The following MYBPC3 variants were observed in gnomAD, a reference collection of about 807,000 sequenced individuals.
MYBPC3 encodes myosin-binding protein C, cardiac-type.
Under a neutral mutation model 159.3 loss-of-function variants are expected in MYBPC3, and 108 were observed. The ratio of observed to expected loss-of-function variants is 0.68; its 90% CI spans 0.58 to 0.80. The LOEUF is 0.80. MYBPC3 is among the 30% of genes least tolerant of loss of function. The pLI, the probability that MYBPC3 is intolerant of heterozygous loss-of-function variation, is 0.00. For synonymous variants in MYBPC3, 730 were observed against 702.0 expected, an observed-to-expected ratio of 1.04 and a Z score of -0.63; for missense variants, 1,631 against 1,762.1, an observed-to-expected ratio of 0.93 and a Z score of 1.33.
chr11:47,332,719 T>G lies in MYBPC3; in HGVS notation c.3491-17A>C. The G allele has an allele frequency of 1.3e-6, 2 of 1,599,442 alleles. No individual in the cohort carries two copies. The highest frequency in any genetic ancestry group is 1.7e-6 in the Non-Finnish European group (2 of 1,172,658). ...AGGTGATGCCTGTTGGTGACAGGAC[T>G]TGGTACCGAGAGGGCCACACAAAGC... On this transcript the variant is annotated splice_polypyrimidine_tract_variant and intron_variant, in intron 31 of 34. Coordinates refer to ENST00000545968, the MANE Select transcript of MYBPC3 (RefSeq NM_000256.3). The surrounding 1 kb of genome is among the most constrained non-coding windows in gnomAD (Gnocchi z 4.2).
chr11:47,332,808 C>T lies in MYBPC3; in HGVS notation c.3490+6G>A, dbSNP rs397516021. ...GCCCCTGGTTGGAAGAATGAGGGTA[C>T]AGCACCTGGTCTGGGGATAAAGACG... On this transcript the variant is annotated splice_donor_region_variant and intron_variant, in intron 31 of 34. Transcript: ENST00000545968. The surrounding 1 kb of genome is among the most constrained non-coding windows in gnomAD (Gnocchi z 4.2). 3 of 1,602,976 alleles carry T rather than the reference C, an allele frequency of 1.9e-6. No individual in the cohort carries two copies. Among genetic ancestry groups the T allele is most frequent in the South Asian group, 1.1e-5 (1 of 89,236 alleles).
intron 18 of MYBPC3, 95 bp from the exon 19 acceptor site, chr11:47,341,339 G>T: frequency 1.1e-6 from 1 of 873,384 alleles, no homozygotes; most frequent in Non-Finnish European, 1.7e-6. Context: ...CCCTCACCTT[G>T]TCCTGGCTTG....
chr11:47,333,866 G>A (rs2095879832), intron 28 of MYBPC3, 56 bp downstream of exon 28: 6 of 1,553,418 alleles, frequency 3.9e-6, no homozygotes, highest in Non-Finnish European at 1.7e-6. Flanking sequence ...CACTGGATGG[G>A]AACAACACAC....
At position 47,332,509 on chromosome 11, in the gene MYBPC3, C is replaced by T. The variant is rs1453811666; in HGVS notation, c.3627+57G>A. On this transcript the variant is annotated intron_variant, in intron 32 of 34. Transcript: ENST00000545968. This position sits in a 1 kb window ranked among gnomAD's most constrained non-coding sequence, Gnocchi z 4.2. ...GGCTGGGGAGAGGACTGCTCAACGT[C>T]GGGGCCTGTGAGCCCTGCCTCCTGG... is the stretch of plus-strand genomic sequence containing the variant. 9 of 1,573,498 alleles carry T rather than the reference C, an allele frequency of 5.7e-6. No individual in the cohort carries two copies. In the East Asian group the frequency reaches 6.8e-5, roughly 12 times the overall value.
At chr11:47,340,962 G>A in intron 20 of MYBPC3, 41 bp downstream of exon 20, 2 of 1,507,912 alleles carry the variant, frequency 1.3e-6, no homozygotes, top group Non-Finnish European at 1.8e-6. Flanking sequence ...TGGGTTGCGG[G>A]AAAGTGAGCA....
In MYBPC3 at chr11:47,351,280, C is replaced by T. The variant is rs569824900; in HGVS notation, c.251G>A (p.Gly84Asp). 17 of 1,557,726 alleles carry T rather than the reference C, an allele frequency of 1.1e-5. No homozygotes were observed. In the South Asian group the frequency reaches 1.8e-4, roughly 16 times the overall value. ...GAGGTCGAACTTGACCTTGGAGGAG[C>T]CAGCAATGACTGCGTAAGATCCCTG... The part of the protein sequence containing the change: ...ADQGSYAVIA[G>D]SSKVKFDLKV... The change falls in exon 2 of 35, where the codon GGC becomes GAC. Residue 84 changes from glycine (G) to aspartate (D), a missense_variant. Physicochemically the swap from Gly to Asp is moderately conservative, Grantham distance 94. Coordinates refer to ENST00000545968, the MANE Select transcript of MYBPC3 (RefSeq NM_000256.3). This position sits in a 1 kb window ranked among gnomAD's most constrained non-coding sequence, Gnocchi z 4.2.
In MYBPC3 at chr11:47,335,868, G is replaced by A. The variant is rs1565624501; in HGVS notation, c.2737+9C>T. ...TTTGGGGAGGGGGGTTGGGGGCGGG[G>A]ACACTCACAGCCCTCTGGGCAGTAC... is the stretch of plus-strand genomic sequence containing the variant. On this transcript the variant is annotated intron_variant, in intron 26 of 34. Transcript: ENST00000545968. The A allele has an allele frequency of 8.1e-6, 12 of 1,478,666 alleles. No individual in the cohort carries two copies. The highest frequency in any genetic ancestry group is 1.1e-5 in the Non-Finnish European group (12 of 1,105,590). 91.6% of individuals were successfully genotyped at this position (1,478,666 alleles called of 1,614,324 possible). A position where few individuals can be genotyped will look rare whatever the true frequency, so the allele number is the denominator to read the frequency against.
Position 47,339,670 on chromosome 11 carries a change from C to T in MYBPC3, c.2048G>A (p.Trp683Ter), listed in dbSNP as rs397515942. The T allele has an allele frequency of 6.2e-7, 1 of 1,607,964 alleles. No individual in the cohort carries two copies. Among genetic ancestry groups the T allele is most frequent in the Non-Finnish European group, 8.5e-7 (1 of 1,176,584 alleles). ...CAGTACCTGCGTGATAGCCTTCTGC[C>T]AGATCACAGTGGGAGCAGGGTCCCC... is the stretch of plus-strand genomic sequence containing the variant. The part of the protein sequence containing the change: ...ISGDPAPTVI[W>*]QKAITQGNKA... The change falls in exon 21 of 35, where the codon TGG becomes TAG. Residue 683 changes from tryptophan (W) to a stop codon, truncating the protein, a stop_gained. Transcript: ENST00000545968. LOFTEE classifies it high-confidence loss of function.
At position 47,351,189 on chromosome 11, in the gene MYBPC3, G is replaced by GGGGCCCCCCCC; in HGVS notation, c.292+49_292+50insGGGGGGGGCCC. The GGGGCCCCCCCC allele has an allele frequency of 4.4e-5, 64 of 1,448,834 alleles. No individual in the cohort carries two copies. Among genetic ancestry groups the GGGGCCCCCCCC allele is most frequent in the Non-Finnish European group, 4.7e-5 (51 of 1,087,654 alleles). 89.7% of individuals were successfully genotyped at this position (1,448,834 alleles called of 1,614,324 possible). A position where few individuals can be genotyped will look rare whatever the true frequency, so the allele number is the denominator to read the frequency against. On this transcript the variant is annotated intron_variant, in intron 2 of 34. Coordinates refer to ENST00000545968, the MANE Select transcript of MYBPC3 (RefSeq NM_000256.3). The surrounding 1 kb of genome is among the most constrained non-coding windows in gnomAD (Gnocchi z 4.2). Reference sequence around the variant, plus strand: ...TGGATGGATGGAGAGTCGCTGGGCTGCCCCTCCCCCAGCAGCCCAAACCTC... The same window carrying GGGGCCCCCCCC: ...TGGATGGATGGAGAGTCGCTGGGCTGGGGCCCCCCCCCCCCTCCCCCAGCAGCCCAAACCTC...
In MYBPC3 at chr11:47,348,520, T is replaced by C. The variant is rs1336201335; in HGVS notation, c.676A>G (p.Ile226Val). 16 of 1,613,038 alleles carry C rather than the reference T, an allele frequency of 9.9e-6. No individual in the cohort carries two copies. Among genetic ancestry groups the C allele is most frequent in the South Asian group, 2.2e-5 (2 of 90,894 alleles). Reference sequence around the variant, plus strand: ...GTGAAGGCAGGCTGGGCATCGGTGATGTGCAGCTCGAACAGATAGACCTGT... The same window carrying C: ...GTGAAGGCAGGCTGGGCATCGGTGACGTGCAGCTCGAACAGATAGACCTGT... ...ASKVYLFELH[I>V]TDAQPAFTGS... The change falls in exon 6 of 35, where the codon ATC (isoleucine) becomes GTC (valine). Residue 226 changes from isoleucine (I) to valine (V), a missense_variant. Coordinates refer to ENST00000545968, the MANE Select transcript of MYBPC3 (RefSeq NM_000256.3).
Position 47,337,499 on chromosome 11 carries a change from C to T in MYBPC3, c.2494G>A (p.Glu832Lys). The T allele has an allele frequency of 6.2e-7, 1 of 1,614,050 alleles. No individual in the cohort carries two copies. Among genetic ancestry groups the T allele is most frequent in the Non-Finnish European group, 8.5e-7 (1 of 1,179,906 alleles). Residue 832 changes from glutamate to lysine, a missense_variant, in exon 25 of 35, where the codon GAA (glutamate) becomes AAA (lysine). Transcript: ENST00000545968. ...NFDLIQELSH[E>K]ARRMIEGVVY... ...ACGCCCTCGATCATGCGCCGCGCTT[C>T]ATGACTCAGCTCCTGAATCAGGTCG...
intron 25 of MYBPC3, among the ~76,000 whole-genome samples, chr11:47,336,642 C>A (rs1467781494): frequency 6.6e-6 from 1 of 152,202 alleles, no homozygotes; most frequent in East Asian, 1.9e-4. Flanking sequence ...CCACAGGCCC[C>A]GATTCCTGCC....
intron 1 of MYBPC3, among the ~76,000 whole-genome samples, chr11:47,352,023 C>T (rs2095901471): frequency 6.6e-6 from 1 of 152,198 alleles, no homozygotes; most frequent in African/African-American, 2.4e-5. Context: ...GGCCCAGGTC[C>T]CTGGGCTGTG....
At position 47,337,455 on chromosome 11, in the gene MYBPC3, G is replaced by C. The variant is rs776282342; in HGVS notation, c.2538C>G (p.Val846=). 5.0e-6 allele frequency: 8 copies of C among 1,613,348 alleles called. No homozygotes were observed. The highest frequency in any genetic ancestry group is 1.7e-5 in the Admixed American group (1 of 60,000). The part of the protein sequence containing the change: ...MIEGVVYEMR[V]YAVNAIGMSR... Reference sequence around the variant, plus strand: ...ACATGCCGATGGCGTTGACCGCGTAGACGCGCATCTCGTACACCACGCCCT... The same window carrying C: ...ACATGCCGATGGCGTTGACCGCGTACACGCGCATCTCGTACACCACGCCCT... Residue 846 remains valine (V), a synonymous_variant, in exon 25 of 35, where the codon GTC becomes GTG. Transcript: ENST00000545968.
At chr11:47,337,889 G>T in intron 23 of MYBPC3, 95 bp from the exon 24 acceptor site, 1 of 1,010,464 alleles carries the variant, frequency 9.9e-7, no homozygotes, top group Non-Finnish European at 1.5e-6. Context: ...AACCGCCACA[G>T]GCTGCCCCCA....
intron 25 of MYBPC3, 24 bp from the exon 26 acceptor site, chr11:47,336,035 G>T: frequency 6.8e-7 from 1 of 1,463,770 alleles, no homozygotes; most frequent in Non-Finnish European, 9.1e-7. Flanking sequence ...AGGTCAGAGA[G>T]GGGTCTGAGC....
At chr11:47,349,493 C>T (rs146491436) in intron 5 of MYBPC3, among the ~76,000 whole-genome samples, 149 of 151,980 alleles carry the variant, frequency 9.8e-4, no homozygotes, top group African/African-American at 2.8e-3. Flanking sequence ...CCCCCACCCC[C>T]GGCCAAACCT....
chr11:47,350,361 A>G, intron 3 of MYBPC3, 141 bp downstream of exon 3: 5 of 1,394,280 alleles, frequency 3.6e-6, no homozygotes, highest in South Asian at 1.3e-5. Flanking sequence ...TCCTGACCTC[A>G]TGATCCGCCC....
At chr11:47,340,134 CGCATAT>C (rs2095886890) in intron 20 of MYBPC3, among the ~76,000 whole-genome samples, 4 of 151,738 alleles carry the variant, frequency 2.6e-5, no homozygotes, top group African/African-American at 9.7e-5. Flanking sequence ...CACACACACA[CGCATAT>C]ACACATACAC....
Sources: gnomAD v4.1 joint callset for allele counts (sites outside exome capture counted in the v4.1 genomes callset) on GRCh38, gnomAD v4.1.1 for gene constraint, Gnocchi (gnomAD v3.1) non-coding constraint, MANE v1.5 for transcripts, NCBI Gene and HGNC (gene_info 2026-07-23, HGNC 2026-07-21) for gene names.